SDK2: variants seen among roughly 807,000 people sequenced by gnomAD.
SDK2 encodes sidekick cell adhesion molecule 2.
Under a neutral mutation model 253.9 loss-of-function variants are expected in SDK2, and 105 were observed. The observed-to-expected ratio is 0.41, with a 90% confidence interval of 0.35 to 0.49. The LOEUF is 0.49. Ranked by LOEUF, SDK2 falls within the 20% of genes least tolerant of loss-of-function variation. The probability of loss-of-function intolerance (pLI) is 0.06; values close to 1 mark genes in which losing one functional copy is unlikely to be tolerated. For synonymous variants in SDK2, 1,249 were observed against 1,234.9 expected (o/e 1.01, Z -0.24); for missense variants, 2,608 against 3,003.0 (o/e 0.87, Z 3.07).
At chr17:73,514,535 G>T (rs1318251054) in intron 1 of SDK2, among the ~76,000 whole-genome samples, 2 of 152,150 alleles carry the variant, frequency 1.3e-5, no homozygotes, top group East Asian at 1.9e-4. Flanking sequence ...ACCTCCTGTG[G>T]AGCCATTCTG....
chr17:73,385,422 G>T (rs548487855), intron 32 of SDK2, among the ~76,000 whole-genome samples: 1 of 152,148 alleles, frequency 6.6e-6, no homozygotes, highest in Non-Finnish European at 1.5e-5. Flanking sequence ...TCCCTTCACC[G>T]ACCAGTGGGG....
In SDK2 at chr17:73,414,680, G is replaced by T. The variant is rs143251430; in HGVS notation, c.2448C>A (p.Ser816Arg). ...GGTTGATGCCGTTGATGAACTGGGG[G>T]CTGGGGGCGTTCCAGGTGAAGCGGA... is the stretch of plus-strand genomic sequence containing the variant. ...TTIRFTWNAP[S>R]PQFINGINQG... Residue 816 changes from serine to arginine, a missense_variant, in exon 18 of 45, where the codon AGC (serine) becomes AGA (arginine). Around this residue, in one of 2 missense-constraint regions of SDK2, gnomAD observed 1,505 missense variants for 1,859.1 expected, o/e 0.81. Coordinates refer to ENST00000392650, the MANE Select transcript of SDK2 (RefSeq NM_001144952.2). 6,214 of 1,613,860 alleles carry T rather than the reference G, an allele frequency of 3.9e-3. 19 individuals are homozygous for T. Among genetic ancestry groups the T allele is most frequent in the Non-Finnish European group, 4.7e-3 (5,518 of 1,179,790 alleles).
chr17:73,529,317 CT>C (rs2064151192), intron 1 of SDK2, among the ~76,000 whole-genome samples: 1 of 152,110 alleles, frequency 6.6e-6, no homozygotes, highest in South Asian at 2.1e-4. Context: ...GGCTGGGAGA[CT>C]TTGGAAAGGC....
chr17:73,379,804 CT>C lies in SDK2; in HGVS notation c.4763-256del, dbSNP rs2062816007. Among the ~76,000 whole-genome samples the C allele has an allele frequency of 7.2e-5, 1 of 13,880 alleles. No homozygotes were observed. Among genetic ancestry groups the C allele is most frequent in the Non-Finnish European group, 1.5e-4 (1 of 6,864 alleles). The allele number at this position is 13,880 out of a possible 152,430, so 9.1% of individuals were successfully genotyped here. A position where few individuals can be genotyped will look rare whatever the true frequency, so the allele number is the denominator to read the frequency against. ...GTACATTTTATTGTTCAACTGGACA[CT>C]TTTGAGACTGAAACCACTATGAATA... is the stretch of plus-strand genomic sequence containing the variant. On this transcript the variant is annotated intron_variant, in intron 34 of 44. Transcript: ENST00000392650. This position sits in a 1 kb window ranked among gnomAD's most constrained non-coding sequence, Gnocchi z 4.5.
In SDK2 at chr17:73,609,651, T is replaced by C. The variant is rs1015513107; in HGVS notation, c.64+34374A>G. Reference sequence around the variant, plus strand: ...AAATCACAAAGCATTTCTCTGCTAATGGGAATGACTTTCAAGGGAGGTAAT... The same window carrying C: ...AAATCACAAAGCATTTCTCTGCTAACGGGAATGACTTTCAAGGGAGGTAAT... On this transcript the variant is annotated intron_variant, in intron 1 of 44. Transcript: ENST00000392650. This position sits in a 1 kb window ranked among gnomAD's most constrained non-coding sequence, Gnocchi z 4.4. Among the ~76,000 whole-genome samples, 1 of 152,154 alleles carries C rather than the reference T, an allele frequency of 6.6e-6. No individual in the cohort carries two copies. The highest frequency in any genetic ancestry group is 2.4e-5 in the African/African-American group (1 of 41,436).
chr17:73,574,902 A>G (rs939452556), intron 1 of SDK2, among the ~76,000 whole-genome samples: 9 of 152,164 alleles, frequency 5.9e-5, no homozygotes, highest in African/African-American at 1.7e-4. Flanking sequence ...TGGAGGCTAT[A>G]CCAACAGACC....
rs923291886 is a variant in SDK2, at chr17:73,379,654, C to T, written c.4763-105G>A. The T allele has an allele frequency of 2.3e-5, 16 of 703,486 alleles. No individual in the cohort carries two copies. In the African/African-American group the frequency reaches 2.3e-4, roughly 10 times the overall value. The allele number at this position is 703,486 out of a possible 1,614,324, so 43.6% of individuals were successfully genotyped here. On this transcript the variant is annotated intron_variant, in intron 34 of 44. Transcript: ENST00000392650. This position sits in a 1 kb window ranked among gnomAD's most constrained non-coding sequence, Gnocchi z 4.5. ...CTGCAGGGGGAGGAATGAGGCACCC[C>T]CGCCATTCTAGCCCCCTCTGTGAAG...
chr17:73,574,816 G>C (rs972012398), intron 1 of SDK2, among the ~76,000 whole-genome samples: 2 of 152,222 alleles, frequency 1.3e-5, no homozygotes, highest in East Asian at 3.8e-4. Context: ...ACTTAACCAA[G>C]AGGGTGAGTC....
At chr17:73,490,699 T>C (rs1415519347) in intron 2 of SDK2, among the ~76,000 whole-genome samples, 3 of 151,784 alleles carry the variant, frequency 2.0e-5, no homozygotes, top group Middle Eastern at 6.8e-3. Context: ...ATTATTATTA[T>C]TATGTTTTAA....
intron 1 of SDK2, among the ~76,000 whole-genome samples, chr17:73,586,280 C>T (rs1008714300): frequency 6.6e-6 from 1 of 152,134 alleles, no homozygotes; most frequent in African/African-American, 2.4e-5. Context: ...CTCCCTCCCT[C>T]CTGTTGCTCT....
chr17:73,405,484 AT>A lies in SDK2; in HGVS notation c.2485-3344del, dbSNP rs1568385625. On this transcript the variant is annotated intron_variant, in intron 18 of 44. Coordinates refer to ENST00000392650, the MANE Select transcript of SDK2 (RefSeq NM_001144952.2). Reference sequence around the variant, plus strand: ...CAAAAAACCATATATATATATATATATATATATATATATATATATATATATA... The same window carrying A: ...CAAAAAACCATATATATATATATATAATATATATATATATATATATATATA... Among the ~76,000 whole-genome samples, 269 of 84,628 alleles carry A rather than the reference AT, an allele frequency of 3.2e-3. 34 individuals are homozygous for A. In the East Asian group the frequency reaches 0.052, roughly 16 times the overall value. The allele number at this position is 84,628 out of a possible 152,430, so 55.5% of individuals were successfully genotyped here. A position where few individuals can be genotyped will look rare whatever the true frequency, so the allele number is the denominator to read the frequency against.
rs1275832400 is a variant in SDK2, at chr17:73,390,279, G to A, written c.4192+8C>T. 1.5e-5 allele frequency: 23 copies of A among 1,563,002 alleles called. No homozygotes were observed. Among genetic ancestry groups the A allele is most frequent in the Non-Finnish European group, 1.9e-5 (22 of 1,157,780 alleles). ...CCCAAGCCTTCCCTGGCCCCCGTGG[G>A]CAGTCACCTCTCTTCTCGGTGGTCA... On this transcript the variant is annotated splice_region_variant and intron_variant, in intron 29 of 44. Transcript: ENST00000392650.
chr17:73,348,562 C>T, intron 44 of SDK2, 37 bp downstream of exon 44: 1 of 1,605,558 alleles, frequency 6.2e-7, no homozygotes, highest in Non-Finnish European at 8.5e-7. Context: ...GCGCTGCTCC[C>T]TGCCCCCTGC....
intron 38 of SDK2, among the ~76,000 whole-genome samples, chr17:73,363,883 G>A (rs2145426860): frequency 6.6e-6 from 1 of 152,136 alleles, no homozygotes; most frequent in Admixed American, 6.5e-5. Context: ...TCTCCTGCTG[G>A]GGCCTGGCTC....
At chr17:73,516,166 G>C (rs968129819) in intron 1 of SDK2, among the ~76,000 whole-genome samples, 1 of 152,208 alleles carries the variant, frequency 6.6e-6, no homozygotes. Context: ...GGTCTTGCCT[G>C]GGATGGCTCA....
chr17:73,633,014 G>A (rs760094910), intron 1 of SDK2, among the ~76,000 whole-genome samples: 12 of 152,126 alleles, frequency 7.9e-5, no homozygotes, highest in Non-Finnish European at 1.3e-4. Context: ...TGGGTGTGGT[G>A]GCTCACACCT....
At chr17:73,402,574 G>A (rs550086980) in intron 18 of SDK2, among the ~76,000 whole-genome samples, 1 of 152,146 alleles carries the variant, frequency 6.6e-6, no homozygotes, top group Non-Finnish European at 1.5e-5. Context: ...GGCCCTGGAC[G>A]ACTGCACAGG....
intron 43 of SDK2, among the ~76,000 whole-genome samples, chr17:73,349,314 A>G (rs2062514334): frequency 6.6e-6 from 1 of 152,232 alleles, no homozygotes; most frequent in Admixed American, 6.5e-5. Flanking sequence ...CTCTAGATGA[A>G]CACACACATA....
In SDK2 at chr17:73,455,143, C is replaced by T. The variant is rs528610033; in HGVS notation, c.479+763G>A. 1.2e-4 allele frequency among the ~76,000 whole-genome samples: 19 copies of T among 152,284 alleles called. No individual in the cohort carries two copies. The highest frequency in any genetic ancestry group is 4.3e-4 in the African/African-American group (18 of 41,566). On this transcript the variant is annotated intron_variant, in intron 4 of 44. Coordinates refer to ENST00000392650, the MANE Select transcript of SDK2 (RefSeq NM_001144952.2). This position sits in a 1 kb window ranked among gnomAD's most constrained non-coding sequence, Gnocchi z 5.0. ...CAGGACAGGCTCAGTCCTGTGTACA[C>T]GCAGCCTGGGTAGATCAGAAGGTGG...
Sources: allele counts gnomAD v4.1 joint callset (sites outside exome capture counted in the v4.1 genomes callset), GRCh38; gene constraint gnomAD v4.1.1; regional missense constraint gnomAD v4.1.1; non-coding constraint Gnocchi (gnomAD v3.1); transcripts MANE v1.5; gene names NCBI Gene and HGNC (gene_info 2026-07-23, HGNC 2026-07-21).